Variants in RECQL5 observed in about 807,000 individuals in gnomAD.
The protein encoded by RECQL5 is RecQ like helicase 5.
In RECQL5, 88 loss-of-function variants were observed where a neutral mutation model predicts 103.4. That is an observed-to-expected ratio of 0.85 (90% CI 0.72 to 1.02). The LOEUF is 1.02. RECQL5 is among the 50% of genes least tolerant of loss of function. The probability of loss-of-function intolerance (pLI) is 0.00; values close to 1 mark genes in which losing one functional copy is unlikely to be tolerated. For missense variants in RECQL5, 1,232 were observed against 1,284.3 expected (o/e 0.96, Z 0.62); for synonymous variants, 552 against 507.9 (o/e 1.09, Z -1.17).
At chr17:75,663,257 G>C (rs1245586544) in intron 3 of RECQL5, among the ~76,000 whole-genome samples, 1 of 152,116 alleles carries the variant, frequency 6.6e-6, no homozygotes, top group Non-Finnish European at 1.5e-5. Context: ...TGAGACCCAA[G>C]TCTGAACATG....
At position 75,628,707 on chromosome 17, in the gene RECQL5, C is replaced by T; in HGVS notation, c.2545G>A (p.Asp849Asn). ...TPEVQPTPAK[D>N]TWKGKRPRSQ... ...CGAGGCCGCTTGCCCTTCCATGTGT[C>T]CTTTGCAGGGGTGGGCTGGACTTCA... Residue 849 changes from aspartate to asparagine, a missense_variant, in exon 17 of 20, where the codon GAC becomes AAC. By Grantham distance (23) the Asp-to-Asn change is conservative. Coordinates refer to ENST00000317905, the MANE Select transcript of RECQL5 (RefSeq NM_004259.7). 1.3e-6 allele frequency: 2 copies of T among 1,591,936 alleles called. No individual in the cohort carries two copies. The highest frequency in any genetic ancestry group is 2.2e-5 in the East Asian group (1 of 44,830).
intron 8 of RECQL5, chr17:75,638,753 A>G (rs1362433630): frequency 1.3e-5 from 2 of 152,340 alleles, no homozygotes; most frequent in Non-Finnish European, 2.9e-5. Flanking sequence ...ATCTCATTCC[A>G]TATCAGAGAC....
At position 75,640,231 on chromosome 17, in the gene RECQL5, G is replaced by A. The variant is rs1430722138; in HGVS notation, c.1230-8563C>T. ...CTGCCACCGACTTCGTGCAGGAGAT[G>A]CGCGCCGTGGGCGAGAGGCTGCTGC... On this transcript the variant is annotated intron_variant, in intron 8 of 19. Coordinates refer to ENST00000317905, the MANE Select transcript of RECQL5 (RefSeq NM_004259.7). This position sits in a 1 kb window ranked among gnomAD's most constrained non-coding sequence, Gnocchi z 4.6. 1 of 1,551,012 alleles carries A rather than the reference G, an allele frequency of 6.4e-7. No individual in the cohort carries two copies. Among genetic ancestry groups the A allele is most frequent in the Non-Finnish European group, 8.7e-7 (1 of 1,146,810 alleles).
intron 8 of RECQL5, among the ~76,000 whole-genome samples, chr17:75,634,401 G>A (rs62089257): frequency 1.3e-5 from 2 of 152,350 alleles, no homozygotes; most frequent in African/African-American, 4.8e-5. Flanking sequence ...TGCACTAGGG[G>A]AGGGCTGGGG....
intron 3 of RECQL5, among the ~76,000 whole-genome samples, chr17:75,663,777 G>A (rs1371326549): frequency 1.3e-5 from 2 of 152,046 alleles, no homozygotes; most frequent in Admixed American, 6.5e-5. Flanking sequence ...TATGTAAGCC[G>A]GGCGCGGTGG....
chr17:75,644,754 G>A (rs945573025), intron 8 of RECQL5, among the ~76,000 whole-genome samples: 9 of 151,322 alleles, frequency 5.9e-5, no homozygotes, highest in Non-Finnish European at 8.8e-5. Flanking sequence ...GCCTGAACCC[G>A]GGAGACAGAG....
At chr17:75,629,646 G>A (rs1015788073) in intron 15 of RECQL5, 62 bp downstream of exon 15, 15 of 1,550,782 alleles carry the variant, frequency 9.7e-6, no homozygotes, top group Non-Finnish European at 1.2e-5. Context: ...CACCCCTGAG[G>A]GCAGAGGGGA....
At position 75,650,037 on chromosome 17, in the gene RECQL5, G is replaced by A. The variant is rs529621653; in HGVS notation, c.1229+1149C>T. ...TTCCAGAGCCTCAGACAGCCCCAGA[G>A]CTTTTTTCAGCAAACAGGACTCACA... On this transcript the variant is annotated intron_variant, in intron 8 of 19. Coordinates refer to ENST00000317905, the MANE Select transcript of RECQL5 (RefSeq NM_004259.7). 11 of 985,636 alleles carry A rather than the reference G, an allele frequency of 1.1e-5. No homozygotes were observed. The East Asian group carries it at 1.0e-3, about 91-fold the overall frequency. 61.1% of individuals were successfully genotyped at this position (985,636 alleles called of 1,614,324 possible).
At chr17:75,633,537 A>T in intron 8 of RECQL5, 8 of 1,285,378 alleles carry the variant, frequency 6.2e-6, no homozygotes, top group African/African-American at 1.5e-5. Flanking sequence ...CTCCCCCAAG[A>T]CGCCTTCAGA....
In RECQL5 at chr17:75,629,379, C is replaced by T. The variant is rs750677184; in HGVS notation, c.2044G>A (p.Ala682Thr). 4.0e-6 allele frequency: 6 copies of T among 1,511,318 alleles called. No homozygotes were observed. Among genetic ancestry groups the T allele is most frequent in the Middle Eastern group, 1.8e-4 (1 of 5,572 alleles). 93.6% of individuals were successfully genotyped at this position (1,511,318 alleles called of 1,614,324 possible). The change falls in exon 16 of 20, where the codon GCC becomes ACC. Residue 682 changes from alanine to threonine, a missense_variant. Physicochemically the swap from Ala to Thr is moderately conservative, Grantham distance 58. Transcript: ENST00000317905. ...LMETTRIREQAPQPERGGEHE... is the reference protein window; with the variant it reads ...LMETTRIREQTPQPERGGEHE... ...TCGCCTCCCCGCTCGGGCTGGGGGGCTTGCTCCCTGATCCGAGTTGTCTCC... is the reference window on the plus strand; with the variant it reads ...TCGCCTCCCCGCTCGGGCTGGGGGGTTTGCTCCCTGATCCGAGTTGTCTCC...
chr17:75,665,647 G>A (rs1238655151), intron 2 of RECQL5, among the ~76,000 whole-genome samples: 4 of 144,246 alleles, frequency 2.8e-5, no homozygotes, highest in African/African-American at 7.8e-5. Context: ...CCGAGATCGC[G>A]CCACTGCACT....
chr17:75,643,298 T>C (rs1267258722), intron 8 of RECQL5, among the ~76,000 whole-genome samples: 1 of 152,230 alleles, frequency 6.6e-6, no homozygotes. Flanking sequence ...GCTGAGGCCC[T>C]TTGTTAGAAA....
chr17:75,665,819 A>G (rs946986499), intron 2 of RECQL5, among the ~76,000 whole-genome samples: 1 of 152,058 alleles, frequency 6.6e-6, no homozygotes, highest in Admixed American at 6.5e-5. Flanking sequence ...CATTACTTAG[A>G]GGGCTTTTGT....
At chr17:75,631,753 G>T in intron 8 of RECQL5, 85 bp from the exon 9 acceptor site, 2 of 1,390,780 alleles carry the variant, frequency 1.4e-6, no homozygotes, top group Non-Finnish European at 2.0e-6. Context: ...CGCTAGCTGA[G>T]CGAGCACTGC....
At position 75,662,864 on chromosome 17, in the gene RECQL5, G is replaced by T; in HGVS notation, c.386C>A (p.Thr129Asn). Reference sequence around the variant, plus strand: ...GGAGGATGAAGCTGCCATCTCTGGGGTGATGTACAGAATCTTGGTCTGGGG... The same window carrying T: ...GGAGGATGAAGCTGCCATCTCTGGGTTGATGTACAGAATCTTGGTCTGGGG... ...EKPQTKILYI[T>N]PEMAASSSFQ... The change falls in exon 4 of 20, where the codon ACC (threonine) becomes AAC (asparagine). Residue 129 changes from threonine (T) to asparagine (N), a missense_variant. Physicochemically the swap from Thr to Asn is moderately conservative, Grantham distance 65 (BLOSUM62 0). Coordinates refer to ENST00000317905, the MANE Select transcript of RECQL5 (RefSeq NM_004259.7). The T allele has an allele frequency of 1.2e-6, 2 of 1,614,152 alleles. No individual in the cohort carries two copies. Among genetic ancestry groups the T allele is most frequent in the South Asian group, 2.2e-5 (2 of 91,092 alleles).
intron 7 of RECQL5, among the ~76,000 whole-genome samples, chr17:75,654,108 G>A (rs1254841556): frequency 1.3e-5 from 2 of 152,136 alleles, no homozygotes; most frequent in African/African-American, 4.8e-5. Context: ...TTATGACTAT[G>A]TCAACAGAGT....
At chr17:75,647,026 A>C (rs918887740) in intron 8 of RECQL5, among the ~76,000 whole-genome samples, 6 of 152,320 alleles carry the variant, frequency 3.9e-5, no homozygotes, top group Admixed American at 3.9e-4. Flanking sequence ...GATGCTTTTT[A>C]GATTCTAGCC....
chr17:75,629,910 C>G (rs189390575), intron 14 of RECQL5, 68 bp from the exon 15 acceptor site: 1 of 1,530,122 alleles, frequency 6.5e-7, no homozygotes, highest in Admixed American at 2.0e-5. Flanking sequence ...ACCTAGCCCT[C>G]CTTTTCTACT....
At chr17:75,632,028 A>C (rs2059226072) in intron 8 of RECQL5, among the ~76,000 whole-genome samples, 1 of 152,102 alleles carries the variant, frequency 6.6e-6, no homozygotes, top group African/African-American at 2.4e-5. Context: ...GACACACTTC[A>C]CCTCCTAAAG....
Sources: gnomAD v4.1 joint callset for allele counts (sites outside exome capture counted in the v4.1 genomes callset) on GRCh38, gnomAD v4.1.1 for gene constraint, Gnocchi (gnomAD v3.1) non-coding constraint, MANE v1.5 for transcripts, NCBI Gene and HGNC (gene_info 2026-07-23, HGNC 2026-07-21) for gene names.